UAP1: variants seen among roughly 807,000 people sequenced by gnomAD.
UAP1 encodes UDP-N-acetylglucosamine pyrophosphorylase 1, also known as UDP-N-acetylhexosamine pyrophosphorylase.
A neutral mutation model predicts 58.5 loss-of-function variants in UAP1; 25 were observed. The ratio of observed to expected loss-of-function variants is 0.43; its 90% CI spans 0.31 to 0.60. The LOEUF is 0.60. Ranked by LOEUF, UAP1 falls within the 20% of genes least tolerant of loss-of-function variation. UAP1 has a pLI of 0.11. For missense variants in UAP1, 575 were observed against 630.0 expected, an observed-to-expected ratio of 0.91 and a Z score of 0.93; for synonymous variants, 208 against 213.0, an observed-to-expected ratio of 0.98 and a Z score of 0.21.
intron 2 of UAP1, among the ~76,000 whole-genome samples, chr1:162,571,339 CG>C (rs1653854891): frequency 6.6e-6 from 1 of 151,734 alleles, no homozygotes; most frequent in African/African-American, 2.4e-5. Flanking sequence ...CATGTTGGCC[CG>C]GCTGGTCTTG....
chr1:162,563,386 C>T (rs1385145535), intron 1 of UAP1, among the ~76,000 whole-genome samples: 2 of 151,140 alleles, frequency 1.3e-5, no homozygotes, highest in African/African-American at 2.4e-5. Flanking sequence ...TTTTTTGAGA[C>T]GGAGAGTCTC....
intron 5 of UAP1, among the ~76,000 whole-genome samples, chr1:162,586,556 ATTGT>A (rs1654914349): frequency 6.6e-6 from 1 of 151,968 alleles, no homozygotes; most frequent in South Asian, 2.1e-4. Context: ...AATATTTTTT[ATTGT>A]TTGTTTCTTC....
At chr1:162,579,189 T>C (rs543648902) in intron 3 of UAP1, among the ~76,000 whole-genome samples, 1 of 152,326 alleles carries the variant, frequency 6.6e-6, no homozygotes, top group African/African-American at 2.4e-5. Flanking sequence ...GAGGTGTGTT[T>C]AGTATGTTTA....
intron 7 of UAP1, among the ~76,000 whole-genome samples, chr1:162,589,273 AATAT>A (rs959752826): frequency 6.9e-5 from 9 of 130,068 alleles, no homozygotes; most frequent in Non-Finnish European, 1.3e-4. Context: ...ATTTATTTAT[AATAT>A]ATATAAATAT....
intron 8 of UAP1, 118 bp from the exon 9 acceptor site, chr1:162,592,614 C>A: frequency 1.3e-6 from 1 of 772,898 alleles, no homozygotes; most frequent in Non-Finnish European, 2.2e-6. Flanking sequence ...TCTCTTGGGA[C>A]GAATTTATGA....
rs115603414 is a variant in UAP1 at position 162,568,816 on chromosome 1, T to A, written c.280+2468T>A. Among the ~76,000 whole-genome samples, 1,380 of 152,340 alleles carry A rather than the reference T, an allele frequency of 9.1e-3. 23 individuals are homozygous for A. The highest frequency in any genetic ancestry group is 0.032 in the African/African-American group (1,322 of 41,576). ...TTTTAAGGGGATGAAGTCTTAGTAGTAACTCTTATGGAAAGTCAACACTTT... is the reference window on the plus strand; with the variant it reads ...TTTTAAGGGGATGAAGTCTTAGTAGAAACTCTTATGGAAAGTCAACACTTT... On this transcript the variant is annotated intron_variant, in intron 2 of 10. Transcript: ENST00000271469.
chr1:162,596,150 G>A (rs1028052641), intron 9 of UAP1, among the ~76,000 whole-genome samples: 1 of 151,534 alleles, frequency 6.6e-6, no homozygotes, highest in African/African-American at 2.4e-5. Context: ...ACCACACCCG[G>A]CCACATTAAT....
chr1:162,592,200 G>A (rs963612146), intron 8 of UAP1, among the ~76,000 whole-genome samples: 3 of 152,132 alleles, frequency 2.0e-5, no homozygotes, highest in African/African-American at 7.2e-5. Flanking sequence ...AGACCAGCCT[G>A]GCCAACATGG....
At chr1:162,596,197 A>G (rs1655608981) in intron 9 of UAP1, among the ~76,000 whole-genome samples, 1 of 151,200 alleles carries the variant, frequency 6.6e-6, no homozygotes. Context: ...TATTTTCGAG[A>G]CAGAGTCTCG....
intron 1 of UAP1, 61 bp from the exon 2 acceptor site, chr1:162,565,951 A>G (rs1653460739): frequency 1.8e-6 from 2 of 1,118,082 alleles, no homozygotes; most frequent in African/African-American, 3.2e-5. Flanking sequence ...TTAGAGGGGA[A>G]AAAAGCCCTC....
At chr1:162,583,618 CTTTG>C (rs905913067) in intron 5 of UAP1, among the ~76,000 whole-genome samples, 19 of 151,922 alleles carry the variant, frequency 1.3e-4, no homozygotes, top group African/African-American at 3.6e-4. Context: ...AGTTCTAGTA[CTTTG>C]TTTGTTTATT....
chr1:162,576,980 T>C (rs1557970017), exon 3 of UAP1: 2 of 1,613,790 alleles, frequency 1.2e-6, no homozygotes, highest in Non-Finnish European at 1.7e-6. Flanking sequence ...CATTATTCCA[T>C]GGTAAGATAC....
intron 2 of UAP1, among the ~76,000 whole-genome samples, chr1:162,568,172 A>C (rs1653640482): frequency 6.6e-6 from 1 of 152,176 alleles, no homozygotes; most frequent in Non-Finnish European, 1.5e-5. Flanking sequence ...TATTTACAAC[A>C]TGGCTATTTT....
At chr1:162,573,224 T>G (rs1352877607) in intron 2 of UAP1, among the ~76,000 whole-genome samples, 1 of 152,122 alleles carries the variant, frequency 6.6e-6, no homozygotes, top group Non-Finnish European at 1.5e-5. Flanking sequence ...TGTTGGCTCT[T>G]CTTGCTCAAC....
chr1:162,594,290 A>T (rs570257605), intron 9 of UAP1, among the ~76,000 whole-genome samples: 187 of 152,326 alleles, frequency 1.2e-3, no homozygotes, highest in Non-Finnish European at 2.1e-3. Context: ...CACAACCTAG[A>T]TCCCTTACAT....
chr1:162,574,653 A>G (rs1301129076), intron 2 of UAP1, among the ~76,000 whole-genome samples: 1 of 152,210 alleles, frequency 6.6e-6, no homozygotes, highest in Non-Finnish European at 1.5e-5. Flanking sequence ...ACTGTTTACC[A>G]TGGTTTTAAT....
At chr1:162,566,276 G>A in exon 2 of UAP1, 1 of 1,614,158 alleles carries the variant, frequency 6.2e-7, no homozygotes, top group East Asian at 2.2e-5. Flanking sequence ...TGCACGAATG[G>A]AACCTGTGCC....
At chr1:162,561,936 C>T (rs1653163654) in intron 1 of UAP1, among the ~76,000 whole-genome samples, 159 bp downstream of exon 1, 1 of 152,214 alleles carries the variant, frequency 6.6e-6, no homozygotes, top group Non-Finnish European at 1.5e-5. Flanking sequence ...AGGAGCCTCC[C>T]GCTCGCCCGC....
chr1:162,579,713 A>G (rs1052557715), intron 4 of UAP1, 110 bp downstream of exon 4: 2 of 1,007,290 alleles, frequency 2.0e-6, no homozygotes, highest in South Asian at 2.1e-5. Context: ...ATTAATATAT[A>G]TGTGTTTTTT....
Sources: allele counts gnomAD v4.1 joint callset (sites outside exome capture counted in the v4.1 genomes callset), GRCh38; gene constraint gnomAD v4.1.1; transcripts MANE v1.5; gene names NCBI Gene and HGNC (gene_info 2026-07-23, HGNC 2026-07-21).